Variants in SDCCAG8 observed in about 807,000 individuals in gnomAD.
The protein encoded by SDCCAG8 is SHH signaling and ciliogenesis regulator SDCCAG8.
Under a neutral mutation model 101.8 loss-of-function variants are expected in SDCCAG8, and 74 were observed. That is an observed-to-expected ratio of 0.73 (90% CI 0.60 to 0.88). The LOEUF is 0.88. SDCCAG8 is among the 40% of genes least tolerant of loss of function. The probability of loss-of-function intolerance (pLI) is 0.00; values close to 1 mark genes in which losing one functional copy is unlikely to be tolerated. For missense variants in SDCCAG8, 787 were observed against 822.6 expected (o/e 0.96, Z 0.53); for synonymous variants, 281 against 292.9 (o/e 0.96, Z 0.41).
intron 16 of SDCCAG8, among the ~76,000 whole-genome samples, chr1:243,483,882 C>T (rs1165166833): frequency 2.6e-5 from 4 of 152,224 alleles, no homozygotes; most frequent in Admixed American, 1.3e-4. Flanking sequence ...AGCTTCTCAG[C>T]TAGGGGGGTC....
At chr1:243,403,628 C>T (rs924583935) in intron 13 of SDCCAG8, among the ~76,000 whole-genome samples, 7 of 150,104 alleles carry the variant, frequency 4.7e-5, no homozygotes, top group African/African-American at 1.8e-4. Flanking sequence ...CATCTCCTGT[C>T]GGAGCAGCAG....
At chr1:243,483,153 G>T (rs1664087799) in intron 16 of SDCCAG8, among the ~76,000 whole-genome samples, 1 of 152,184 alleles carries the variant, frequency 6.6e-6, no homozygotes, top group Admixed American at 6.5e-5. Flanking sequence ...ACGGTGAGGG[G>T]GGTGAAGGTC....
chr1:243,271,060 C>G lies in SDCCAG8; in HGVS notation c.303C>G (p.Pro101=). 4 of 1,603,212 alleles carry G rather than the reference C, an allele frequency of 2.5e-6. No individual in the cohort carries two copies. The highest frequency in any genetic ancestry group is 1.7e-5 in the Admixed American group (1 of 59,982). The change falls in exon 3 of 18, where the codon CCC becomes CCG. Residue 101 remains proline (P), a synonymous_variant. Transcript: ENST00000366541. ...CGTCAAGAAGAAGAAAAATGTCCCC[C>G]TTGGTAAGTATCAACTTTTCCAAGT... ...VSPSRRRKMS[P]LRSLEHEETN...
intron 3 of SDCCAG8, among the ~76,000 whole-genome samples, chr1:243,272,509 C>T (rs2068175912): frequency 1.3e-5 from 2 of 152,244 alleles, no homozygotes; most frequent in South Asian, 4.1e-4. Flanking sequence ...TGCTCTTAAG[C>T]ACAGACTGGT....
rs1297691172 is a variant in SDCCAG8, at chr1:243,415,729, C to T, written c.1644C>T (p.Ser548=). 1 of 1,613,690 alleles carries T rather than the reference C, an allele frequency of 6.2e-7. No individual in the cohort carries two copies. Among genetic ancestry groups the T allele is most frequent in the African/African-American group, 1.3e-5 (1 of 74,904 alleles). The change falls in exon 14 of 18, where the codon AGC becomes AGT. Residue 548 remains serine, a synonymous_variant. Coordinates refer to ENST00000366541, the MANE Select transcript of SDCCAG8 (RefSeq NM_006642.5). ...TRQEKDSIQQ[S]FSKEAKAQAL... is the part of the protein sequence containing the mutation. Reference sequence around the variant, plus strand: ...AGGAAAAAGATAGCATTCAGCAGAGCTTTAGCAAGGAAGCAAAGGCCCAAG... The same window carrying T: ...AGGAAAAAGATAGCATTCAGCAGAGTTTTAGCAAGGAAGCAAAGGCCCAAG...
chr1:243,478,440 C>A (rs1045438583), intron 16 of SDCCAG8, among the ~76,000 whole-genome samples: 4 of 152,122 alleles, frequency 2.6e-5, no homozygotes, highest in Non-Finnish European at 5.9e-5. Context: ...GGACTTGATC[C>A]CCCCATCACT....
intron 13 of SDCCAG8, among the ~76,000 whole-genome samples, chr1:243,392,943 A>G (rs1389693197): frequency 1.3e-5 from 2 of 152,216 alleles, no homozygotes; most frequent in Non-Finnish European, 2.9e-5. Context: ...AGAAAATGAA[A>G]TGGGCAGAAA....
chr1:243,461,062 A>T (rs1032979560), intron 16 of SDCCAG8, among the ~76,000 whole-genome samples: 2 of 152,210 alleles, frequency 1.3e-5, no homozygotes, highest in Admixed American at 6.5e-5. Context: ...TTGATACATA[A>T]TGAAGCCTGA....
chr1:243,420,564 A>C (rs1003633909), intron 15 of SDCCAG8, among the ~76,000 whole-genome samples: 1 of 152,192 alleles, frequency 6.6e-6, no homozygotes, highest in Non-Finnish European at 1.5e-5. Flanking sequence ...AACTCTGATG[A>C]ATTAAAGCAG....
rs1340393325 is a variant in SDCCAG8 at position 243,474,333 on chromosome 1, C to T, written c.1986-14681C>T. 1.3e-5 allele frequency among the ~76,000 whole-genome samples: 2 copies of T among 152,206 alleles called. No homozygotes were observed. Among genetic ancestry groups the T allele is most frequent in the African/African-American group, 4.8e-5 (2 of 41,464 alleles). On this transcript the variant is annotated intron_variant, in intron 16 of 17. Transcript: ENST00000366541. This position sits in a 1 kb window ranked among gnomAD's most constrained non-coding sequence, Gnocchi z 4.7. Reference sequence around the variant, plus strand: ...CTCTCCTTCTGCCAAAGTCCAGAGGCCCTGCGAGCCCCCGTGGAGTCGCCT... The same window carrying T: ...CTCTCCTTCTGCCAAAGTCCAGAGGTCCTGCGAGCCCCCGTGGAGTCGCCT...
At chr1:243,493,729 G>A (rs889674828) in intron 17 of SDCCAG8, among the ~76,000 whole-genome samples, 1 of 151,994 alleles carries the variant, frequency 6.6e-6, no homozygotes, top group African/African-American at 2.4e-5. Flanking sequence ...ATTTAAACTT[G>A]TGCATGGATC....
At chr1:243,470,010 G>A (rs1179260702) in intron 16 of SDCCAG8, among the ~76,000 whole-genome samples, 3 of 146,556 alleles carry the variant, frequency 2.0e-5, no homozygotes, top group African/African-American at 5.3e-5. Context: ...AAAAAAAAAA[G>A]TATAGCAACA....
chr1:243,465,481 T>G (rs922591747), intron 16 of SDCCAG8, among the ~76,000 whole-genome samples: 1 of 152,248 alleles, frequency 6.6e-6, no homozygotes, highest in Non-Finnish European at 1.5e-5. Context: ...CTATGTTCTA[T>G]TGGATATTCA....
intron 16 of SDCCAG8, among the ~76,000 whole-genome samples, chr1:243,485,440 C>T (rs938117796): frequency 2.0e-5 from 3 of 152,084 alleles, no homozygotes; most frequent in Admixed American, 6.5e-5. Context: ...GAGGTGAACT[C>T]AACACCACAA....
At chr1:243,431,354 G>C (rs936892011) in intron 16 of SDCCAG8, among the ~76,000 whole-genome samples, 3 of 152,158 alleles carry the variant, frequency 2.0e-5, no homozygotes, top group Non-Finnish European at 4.4e-5. Flanking sequence ...GCAGTGCTGG[G>C]TGGAGAAGAG....
At chr1:243,372,259 T>C (rs1256240829) in intron 12 of SDCCAG8, among the ~76,000 whole-genome samples, 1 of 152,140 alleles carries the variant, frequency 6.6e-6, no homozygotes, top group Non-Finnish European at 1.5e-5. Context: ...TTCTTTTAAC[T>C]TGCGAGGATT....
At chr1:243,381,032 C>T (rs542497016) in intron 13 of SDCCAG8, among the ~76,000 whole-genome samples, 2 of 151,946 alleles carry the variant, frequency 1.3e-5, no homozygotes, top group South Asian at 4.1e-4. Flanking sequence ...TTGTGTCGTT[C>T]TTTTTCAGTG....
At chr1:243,325,092 T>C (rs1031331734) in intron 9 of SDCCAG8, among the ~76,000 whole-genome samples, 18 of 152,212 alleles carry the variant, frequency 1.2e-4, no homozygotes, top group African/African-American at 3.6e-4. Flanking sequence ...TACACAGTTT[T>C]CTCCACCAGA....
At chr1:243,461,625 A>C (rs1291335333) in intron 16 of SDCCAG8, among the ~76,000 whole-genome samples, 2 of 152,124 alleles carry the variant, frequency 1.3e-5, no homozygotes, top group Middle Eastern at 3.2e-3. Flanking sequence ...GAGCTACATG[A>C]CCATTCTGCT....
Sources: allele counts gnomAD v4.1 joint callset (sites outside exome capture counted in the v4.1 genomes callset), GRCh38; gene constraint gnomAD v4.1.1; non-coding constraint Gnocchi (gnomAD v3.1); transcripts MANE v1.5; gene names NCBI Gene and HGNC (gene_info 2026-07-23, HGNC 2026-07-21).